TMEM178A: variants seen among roughly 807,000 people sequenced by gnomAD.
The protein encoded by TMEM178A is transmembrane protein 178A, also known as transmembrane protein 178.
Under a neutral mutation model 29.1 loss-of-function variants are expected in TMEM178A, and 12 were observed. That is an observed-to-expected ratio of 0.41 (90% CI 0.26 to 0.67). The LOEUF is 0.67. TMEM178A is among the 30% of genes least tolerant of loss of function. The pLI is 0.29. For synonymous variants in TMEM178A, 210 were observed against 187.2 expected (o/e 1.12, Z -0.99); for missense variants, 366 against 419.1 (o/e 0.87, Z 1.11).
At chr2:39,666,988 G>T (rs960738342) in intron 1 of TMEM178A, among the ~76,000 whole-genome samples, 3 of 152,226 alleles carry the variant, frequency 2.0e-5, no homozygotes, top group Non-Finnish European at 4.4e-5. Context: ...CCCCTGAAGT[G>T]CAGGGTGTGT....
intron 3 of TMEM178A, among the ~76,000 whole-genome samples, chr2:39,711,543 C>A (rs1274925001): frequency 6.6e-6 from 1 of 152,160 alleles, no homozygotes; most frequent in African/African-American, 2.4e-5. Flanking sequence ...CCCTTCCTGA[C>A]AGCAGAGACA....
At chr2:39,693,430 G>A (rs1053868721) in intron 1 of TMEM178A, among the ~76,000 whole-genome samples, 2 of 152,220 alleles carry the variant, frequency 1.3e-5, no homozygotes, top group Non-Finnish European at 2.9e-5. Context: ...TTCCACATGA[G>A]CATCCACTGA....
In TMEM178A at chr2:39,707,062, C is replaced by T. The variant is rs752243845; in HGVS notation, c.528C>T (p.Ile176=). 6.4e-5 allele frequency: 103 copies of T among 1,604,350 alleles called. No individual in the cohort carries two copies. Among genetic ancestry groups the T allele is most frequent in the Non-Finnish European group, 8.5e-5 (100 of 1,177,266 alleles). The change falls in exon 3 of 4, where the codon ATC becomes ATT. Residue 176 remains isoleucine, a synonymous_variant. Transcript: ENST00000281961. ...TTTTGAGATTAGATTTAAGAAGAAT[C>T]ACTGCTGGCTTCCTCGGCATGGCCG... The part of the protein sequence containing the change: ...DEWHLLHLRR[I]TAGFLGMAVA...
At chr2:39,696,400 G>C (rs1370897367) in intron 1 of TMEM178A, among the ~76,000 whole-genome samples, 2 of 152,158 alleles carry the variant, frequency 1.3e-5, no homozygotes, top group Non-Finnish European at 2.9e-5. Context: ...GGTGCCAAGA[G>C]GGAATTCATA....
the TMEM178A span, among the ~76,000 whole-genome samples, chr2:39,735,383 T>C: frequency 6.6e-6 from 1 of 152,140 alleles, no homozygotes; most frequent in South Asian, 2.1e-4. Context: ...GAAATCTTGC[T>C]TTTTCTTTGA....
At chr2:39,677,150 T>C (rs1670666436) in intron 1 of TMEM178A, among the ~76,000 whole-genome samples, 1 of 152,288 alleles carries the variant, frequency 6.6e-6, no homozygotes, top group South Asian at 2.1e-4. Flanking sequence ...TTGTCCTCAC[T>C]CTCGTCCCCA....
At chr2:39,703,166 G>T (rs533009228) in intron 1 of TMEM178A, among the ~76,000 whole-genome samples, 1 of 152,008 alleles carries the variant, frequency 6.6e-6, no homozygotes, top group Non-Finnish European at 1.5e-5. Flanking sequence ...ACTAACATTC[G>T]CTCATGCCTT....
chr2:39,715,896 G>A (rs1350955404), intron 3 of TMEM178A, among the ~76,000 whole-genome samples: 1 of 152,204 alleles, frequency 6.6e-6, no homozygotes, highest in Admixed American at 6.5e-5. Context: ...GTGGTGGGTA[G>A]AGGGCGGGGA....
chr2:39,697,479 CA>C (rs60511047), intron 1 of TMEM178A, among the ~76,000 whole-genome samples: 3,699 of 152,282 alleles, frequency 0.024, 157 homozygotes, highest in African/African-American at 0.085. Flanking sequence ...AATCATCTTC[CA>C]AGGGAGTGGA....
At chr2:39,712,042 TG>T (rs1358849431) in intron 3 of TMEM178A, among the ~76,000 whole-genome samples, 5 of 2,566 alleles carry the variant, frequency 1.9e-3, no homozygotes, top group African/African-American at 3.4e-3. Context: ...AATTGCATTT[TG>T]TGTGTGTGTG....
chr2:39,709,756 GC>G (rs1558463790), intron 3 of TMEM178A, among the ~76,000 whole-genome samples: 1 of 152,202 alleles, frequency 6.6e-6, no homozygotes, highest in African/African-American at 2.4e-5. Flanking sequence ...CATGGGAAAG[GC>G]CCCATAACAC....
intron 1 of TMEM178A, among the ~76,000 whole-genome samples, chr2:39,682,224 A>C (rs1022441982): frequency 3.0e-4 from 46 of 152,330 alleles, no homozygotes; most frequent in African/African-American, 1.1e-3. Flanking sequence ...TGCATTATGC[A>C]CATGTCTGCC....
chr2:39,666,268 G>C lies in TMEM178A; in HGVS notation c.294G>C (p.Gly98=), dbSNP rs750456040. ...GGCGCTCGCTCCTGGGGCTCGGCGG[G>C]CTGGACGCCGAGTGCGGCCGGCCCC... is the stretch of plus-strand genomic sequence containing the variant. ...ESWRSLLGLG[G]LDAECGRPLF... Residue 98 remains glycine (G), a synonymous_variant, in exon 1 of 4, where the codon GGG becomes GGC. Transcript: ENST00000281961. 3.9e-5 allele frequency: 54 copies of C among 1,390,030 alleles called. No homozygotes were observed. The highest frequency in any genetic ancestry group is 4.8e-5 in the Non-Finnish European group (51 of 1,070,992). 86.1% of individuals were successfully genotyped at this position (1,390,030 alleles called of 1,614,324 possible). A position where few individuals can be genotyped will look rare whatever the true frequency, so the allele number is the denominator to read the frequency against.
chr2:39,730,310 C>A, the TMEM178A span, among the ~76,000 whole-genome samples: 1 of 152,088 alleles, frequency 6.6e-6, no homozygotes, highest in Non-Finnish European at 1.5e-5. Flanking sequence ...TTTGGGGGCA[C>A]CTCTTTTCTC....
chr2:39,681,374 G>C (rs1454106864), intron 1 of TMEM178A, among the ~76,000 whole-genome samples: 1 of 152,090 alleles, frequency 6.6e-6, no homozygotes, highest in African/African-American at 2.4e-5. Context: ...TATGATCTAA[G>C]GTATTGAGCA....
chr2:39,714,412 T>A (rs2148118273), intron 3 of TMEM178A, among the ~76,000 whole-genome samples: 1 of 151,920 alleles, frequency 6.6e-6, no homozygotes, highest in East Asian at 1.9e-4. Context: ...ATAAATAAAG[T>A]AAGACAAAGG....
At chr2:39,708,203 A>G (rs1672123110) in intron 3 of TMEM178A, among the ~76,000 whole-genome samples, 1 of 151,976 alleles carries the variant, frequency 6.6e-6, no homozygotes, top group Non-Finnish European at 1.5e-5. Context: ...GGAAGAGCGT[A>G]GCAGACTGGG....
chr2:39,707,502 C>T (rs960619747), intron 3 of TMEM178A, among the ~76,000 whole-genome samples: 1 of 152,048 alleles, frequency 6.6e-6, no homozygotes, highest in African/African-American at 2.4e-5. Context: ...GATGGAGTCT[C>T]ACTCTGTCAC....
upstream of TMEM178A, chr2:39,665,738 CG>C: frequency 3.5e-6 from 1 of 284,714 alleles, no homozygotes; most frequent in Non-Finnish European, 5.7e-6. Flanking sequence ...GAGAGCGGCG[CG>C]GGGGAGGGCT....
Sources: gnomAD v4.1 joint callset for allele counts (sites outside exome capture counted in the v4.1 genomes callset) on GRCh38, gnomAD v4.1.1 for gene constraint, MANE v1.5 for transcripts, NCBI Gene and HGNC (gene_info 2026-07-23, HGNC 2026-07-21) for gene names.